The following PPP2R2B variants were observed in gnomAD, a reference collection of about 807,000 sequenced individuals.
PPP2R2B encodes the protein protein phosphatase 2 regulatory subunit Bbeta, also known as serine/threonine-protein phosphatase 2A 55 kDa regulatory subunit B beta isoform.
A neutral mutation model predicts 46.0 loss-of-function variants in PPP2R2B; 5 were observed. The ratio of observed to expected loss-of-function variants is 0.11; its 90% CI spans 0.06 to 0.23. The LOEUF (loss-of-function observed/expected upper bound fraction) is 0.23. Ranked by LOEUF, PPP2R2B falls within the 10% of genes least tolerant of loss-of-function variation. The pLI is 1.00. For missense variants in PPP2R2B, 367 were observed against 575.0 expected, an observed-to-expected ratio of 0.64 and a Z score of 3.70; for synonymous variants, 215 against 206.7, an observed-to-expected ratio of 1.04 and a Z score of -0.34.
chr5:146,968,639 A>G (rs1752540427), intron 1 of PPP2R2B, among the ~76,000 whole-genome samples: 1 of 152,226 alleles, frequency 6.6e-6, no homozygotes, highest in Non-Finnish European at 1.5e-5. Context: ...AGATACTATG[A>G]CACGCTTTAA....
At chr5:146,864,565 G>A (rs1761197726) in intron 2 of PPP2R2B, among the ~76,000 whole-genome samples, 1 of 152,066 alleles carries the variant, frequency 6.6e-6, no homozygotes, top group African/African-American at 2.4e-5. Context: ...TGGGTCACCA[G>A]GTTCCATATA....
chr5:146,761,582 C>T (rs1314891201), intron 2 of PPP2R2B, among the ~76,000 whole-genome samples: 1 of 151,054 alleles, frequency 6.6e-6, no homozygotes, highest in East Asian at 1.9e-4. Flanking sequence ...CAAACCTGCA[C>T]GTTGTGCACA....
At chr5:146,700,679 A>G (rs1009176476) in intron 3 of PPP2R2B, among the ~76,000 whole-genome samples, 1 of 152,110 alleles carries the variant, frequency 6.6e-6, no homozygotes, top group South Asian at 2.1e-4. Flanking sequence ...TTCCTCCTGC[A>G]TATTCTGGCA....
chr5:146,808,587 C>T (rs977190914), intron 2 of PPP2R2B, among the ~76,000 whole-genome samples: 1 of 152,166 alleles, frequency 6.6e-6, no homozygotes, highest in African/African-American at 2.4e-5. Context: ...AAACTTGACC[C>T]TGACTTCAAG....
chr5:146,701,345 TG>T, intron 2 of PPP2R2B: 1 of 710,264 alleles, frequency 1.4e-6, no homozygotes, highest in Non-Finnish European at 2.5e-6. Flanking sequence ...CACTGCACAG[TG>T]GTCTCCTGGA....
chr5:146,970,994 C>T (rs1057103406), intron 1 of PPP2R2B, among the ~76,000 whole-genome samples: 1 of 152,020 alleles, frequency 6.6e-6, no homozygotes, highest in African/African-American at 2.4e-5. Flanking sequence ...AACAGAGATC[C>T]CTTCGAAACA....
chr5:146,989,894 G>A (rs1580762902), intron 1 of PPP2R2B, among the ~76,000 whole-genome samples: 2 of 151,800 alleles, frequency 1.3e-5, no homozygotes, highest in South Asian at 4.2e-4. Context: ...ACTGAGTATA[G>A]TAAAGTTGCA....
chr5:146,983,331 C>T (rs1582545101), intron 1 of PPP2R2B, among the ~76,000 whole-genome samples: 1 of 151,946 alleles, frequency 6.6e-6, no homozygotes, highest in South Asian at 2.1e-4. Context: ...CAGGCGTCCG[C>T]CACCACGCCC....
chr5:146,822,613 C>G (rs891685888), intron 2 of PPP2R2B, among the ~76,000 whole-genome samples: 1 of 150,356 alleles, frequency 6.7e-6, no homozygotes, highest in Non-Finnish European at 1.5e-5. Context: ...ACCACCCACT[C>G]TCTATATCCT....
intron 2 of PPP2R2B, among the ~76,000 whole-genome samples, chr5:146,804,573 G>A (rs1013361615): frequency 6.6e-6 from 1 of 152,032 alleles, no homozygotes; most frequent in Non-Finnish European, 1.5e-5. Context: ...AATATTCGCC[G>A]GATGGATTAC....
intron 1 of PPP2R2B, among the ~76,000 whole-genome samples, chr5:146,913,027 A>T (rs1763249030): frequency 6.6e-6 from 1 of 152,226 alleles, no homozygotes; most frequent in Non-Finnish European, 1.5e-5. Flanking sequence ...TCAGCCCTGT[A>T]GGCAGATACT....
chr5:146,919,914 A>G (rs1252433510), intron 1 of PPP2R2B: 1 of 152,194 alleles, frequency 6.6e-6, no homozygotes, highest in South Asian at 2.1e-4. Flanking sequence ...CAGTTTGCGT[A>G]TCATGGCAGC....
At chr5:146,713,027 A>G (rs1170763649) in intron 2 of PPP2R2B, among the ~76,000 whole-genome samples, 1 of 152,236 alleles carries the variant, frequency 6.6e-6, no homozygotes, top group Non-Finnish European at 1.5e-5. Context: ...AAAATCATCA[A>G]TGAACATATT....
intron 2 of PPP2R2B, among the ~76,000 whole-genome samples, chr5:146,761,612 T>C (rs970433020): frequency 6.6e-6 from 1 of 151,610 alleles, no homozygotes; most frequent in Non-Finnish European, 1.5e-5. Context: ...AAACTTAAAG[T>C]ATAGTAATAA....
intron 2 of PPP2R2B, among the ~76,000 whole-genome samples, chr5:146,739,354 G>A (rs971386820): frequency 2.6e-5 from 4 of 152,232 alleles, no homozygotes; most frequent in Non-Finnish European, 5.9e-5. Context: ...GAGAAATTAG[G>A]GGAAGCATCG....
At chr5:146,806,431 G>A (rs1757182068) in intron 2 of PPP2R2B, among the ~76,000 whole-genome samples, 1 of 152,068 alleles carries the variant, frequency 6.6e-6, no homozygotes, top group East Asian at 1.9e-4. Context: ...TTAAGGTATT[G>A]CTCAGCTTGT....
chr5:146,863,996 T>C (rs1341018412), intron 2 of PPP2R2B, among the ~76,000 whole-genome samples: 1 of 152,166 alleles, frequency 6.6e-6, no homozygotes, highest in Admixed American at 6.5e-5. Flanking sequence ...AAGGTATTCC[T>C]TGGAACAGCG....
At chr5:147,055,895 G>T in exon 1 of PPP2R2B, 1 of 1,443,966 alleles carries the variant, frequency 6.9e-7, no homozygotes, top group Admixed American at 2.5e-5. Flanking sequence ...AATAACTGGA[G>T]ATGGGTCCCA....
chr5:146,785,853 G>A (rs544679889), intron 2 of PPP2R2B, among the ~76,000 whole-genome samples: 1 of 152,152 alleles, frequency 6.6e-6, no homozygotes, highest in African/African-American at 2.4e-5. Context: ...AGATAGTAGA[G>A]TGGCAGTTGC....
Sources: allele counts gnomAD v4.1 joint callset (sites outside exome capture counted in the v4.1 genomes callset), GRCh38; gene constraint gnomAD v4.1.1; transcripts MANE v1.5; gene names NCBI Gene and HGNC (gene_info 2026-07-23, HGNC 2026-07-21).